The following DNAJC5B variants were observed in gnomAD, a reference collection of about 807,000 sequenced individuals.
DNAJC5B encodes the protein DnaJ heat shock protein family (Hsp40) member C5 beta.
In DNAJC5B, 23 loss-of-function variants were observed where a neutral mutation model predicts 24.7. That is an observed-to-expected ratio of 0.93 (90% CI 0.67 to 1.32). The LOEUF (loss-of-function observed/expected upper bound fraction) is 1.32. Ranked by LOEUF, DNAJC5B falls within the 40% of genes most tolerant of loss-of-function variation. DNAJC5B has a pLI of 0.00. For missense variants in DNAJC5B, 238 were observed against 240.8 expected, an observed-to-expected ratio of 0.99 and a Z score of 0.08; for synonymous variants, 101 against 90.1, an observed-to-expected ratio of 1.12 and a Z score of -0.68.
At chr8:66,088,931 C>G (rs1807787552) in intron 5 of DNAJC5B, among the ~76,000 whole-genome samples, 1 of 152,186 alleles carries the variant, frequency 6.6e-6, no homozygotes, top group African/African-American at 2.4e-5. Context: ...CTGTTCCAAC[C>G]TCTGACTGTT....
intron 4 of DNAJC5B, among the ~76,000 whole-genome samples, chr8:66,078,319 A>G (rs141306723): frequency 1.9e-3 from 285 of 152,280 alleles, no homozygotes; most frequent in African/African-American, 5.5e-3. Context: ...CCAAAGCCCA[A>G]TTTCACGGCA....
Position 66,099,957 on chromosome 8 carries a change from C to A in DNAJC5B, c.526C>A (p.Leu176Ile). ...MEKDVDFPVFLQPTNANEKTQ... is the reference protein window; with the variant it reads ...MEKDVDFPVFIQPTNANEKTQ... ...TTTAGATGTGGACTTTCCAGTTTTT[C>A]TCCAGCCTACAAATGCAAATGAGAA... Residue 176 changes from leucine (L) to isoleucine (I), a missense_variant, in exon 6 of 6, where the codon CTC becomes ATC. Physicochemically the swap from Leu to Ile is conservative, Grantham distance 5. Coordinates refer to ENST00000276570, the MANE Select transcript of DNAJC5B (RefSeq NM_033105.6). 6.2e-7 allele frequency: 1 copy of A among 1,613,878 alleles called. No homozygotes were observed. The highest frequency in any genetic ancestry group is 8.5e-7 in the Non-Finnish European group (1 of 1,179,858).
At chr8:66,069,460 C>T (rs1807298043) in intron 3 of DNAJC5B, among the ~76,000 whole-genome samples, 1 of 151,844 alleles carries the variant, frequency 6.6e-6, no homozygotes, top group South Asian at 2.1e-4. Context: ...AGATAAGGAG[C>T]GATACTTCAT....
At chr8:66,052,909 C>T (rs141804714) in intron 3 of DNAJC5B, among the ~76,000 whole-genome samples, 63 of 151,984 alleles carry the variant, frequency 4.1e-4, no homozygotes, top group Middle Eastern at 3.4e-3. Context: ...CAAGAGAGTG[C>T]TTGTTTGTTT....
At chr8:66,026,133 C>T (rs1238840894) in intron 1 of DNAJC5B, among the ~76,000 whole-genome samples, 2 of 138,266 alleles carry the variant, frequency 1.4e-5, no homozygotes, top group Non-Finnish European at 3.0e-5. Context: ...TGAAGAGGTC[C>T]TTCACATCCC....
chr8:66,057,386 A>C (rs1301082386), intron 3 of DNAJC5B: 1 of 152,224 alleles, frequency 6.6e-6, no homozygotes, highest in Non-Finnish European at 1.5e-5. Context: ...TCCCGATCTG[A>C]ACAACCGATA....
chr8:66,041,514 G>C (rs1455738222), intron 1 of DNAJC5B, among the ~76,000 whole-genome samples: 1 of 152,164 alleles, frequency 6.6e-6, no homozygotes, highest in Non-Finnish European at 1.5e-5. Context: ...CTCACAAATA[G>C]AGAAAACAAG....
In DNAJC5B at chr8:66,031,977, A is replaced by G. The variant is rs186573008; in HGVS notation, c.-142+10272A>G. Among the ~76,000 whole-genome samples the G allele has an allele frequency of 8.5e-4, 130 of 152,344 alleles. 1 individual carries two copies. Among genetic ancestry groups the G allele is most frequent in the Admixed American group, 8.3e-3 (127 of 15,306 alleles). On this transcript the variant is annotated intron_variant, in intron 1 of 5. Coordinates refer to ENST00000276570, the MANE Select transcript of DNAJC5B (RefSeq NM_033105.6). ...CATCAGTTGGCCTAGTAATTACCTC[A>G]TTTAATTGCCACAAAGACCTCCCAT...
rs545422109 is a variant in DNAJC5B at position 66,100,068 on chromosome 8, A to G, written c.*37A>G. 8.8e-6 allele frequency: 14 copies of G among 1,583,574 alleles called. No homozygotes were observed. The East Asian group carries it at 2.7e-4, about 30-fold the overall frequency. ...CAGAGAGTCCACAGTCCCTCCTCTC[A>G]GTTCAGTCTTGTCTCCAGATGGTCG... On this transcript the variant is annotated 3_prime_UTR_variant, in exon 6 of 6. Coordinates refer to ENST00000276570, the MANE Select transcript of DNAJC5B (RefSeq NM_033105.6).
In DNAJC5B at chr8:66,065,757, C is replaced by T. The variant is rs546234871; in HGVS notation, c.120-10903C>T. Among the ~76,000 whole-genome samples the T allele has an allele frequency of 2.4e-4, 37 of 152,172 alleles. No individual in the cohort carries two copies. In the South Asian group the frequency reaches 7.5e-3, roughly 31 times the overall value. ...CTTCGATATGGCTGTGTGAGAGGGG[C>T]CCTCATAGCATAAGACTGCCCAGGG... On this transcript the variant is annotated intron_variant, in intron 3 of 5. Transcript: ENST00000276570.
chr8:66,015,233 CTAGCTG>C, the DNAJC5B span, among the ~76,000 whole-genome samples: 70,695 of 151,380 alleles, frequency 0.47, 21,218 homozygotes, highest in African/African-American at 0.86. Context: ...AGTCTGTCTT[CTAGCTG>C]TAGCTGTAGC....
intron 3 of DNAJC5B, among the ~76,000 whole-genome samples, chr8:66,062,639 G>A (rs558119270): frequency 9.8e-4 from 149 of 152,174 alleles, no homozygotes; most frequent in Non-Finnish European, 1.9e-3. Context: ...CAAAGATCTA[G>A]CTCTTCCTTG....
intron 1 of DNAJC5B, among the ~76,000 whole-genome samples, chr8:66,034,192 G>GTGTGTGTA: frequency 6.6e-6 from 1 of 151,780 alleles, no homozygotes; most frequent in Non-Finnish European, 1.5e-5. Flanking sequence ...GTGTGTGTGT[G>GTGTGTGTA]TGTGTGTGTG....
At chr8:66,038,117 T>C (rs985279836) in intron 1 of DNAJC5B, among the ~76,000 whole-genome samples, 7 of 152,236 alleles carry the variant, frequency 4.6e-5, no homozygotes, top group Non-Finnish European at 1.0e-4. Context: ...AAGGATATAA[T>C]TGGTAGCAGA....
chr8:66,089,282 C>T (rs1017128224), intron 5 of DNAJC5B, among the ~76,000 whole-genome samples: 2 of 152,158 alleles, frequency 1.3e-5, no homozygotes, highest in African/African-American at 2.4e-5. Context: ...TGGGGGAAAC[C>T]GTCTCTATGA....
intron 5 of DNAJC5B, among the ~76,000 whole-genome samples, chr8:66,099,267 C>A (rs1423854914): frequency 1.3e-5 from 2 of 151,874 alleles, no homozygotes. Flanking sequence ...ACTTGGTCTG[C>A]CAACTTGTGT....
In DNAJC5B at chr8:66,076,804, C is replaced by G. The variant is rs778987587; in HGVS notation, c.264C>G (p.Leu88=). ...ACGACAAGTACGGATCGCTGGGACTCTACGTGGCCGAGCAGTTTGGAGACG... is the reference window on the plus strand; with the variant it reads ...ACGACAAGTACGGATCGCTGGGACTGTACGTGGCCGAGCAGTTTGGAGACG... ...SIYDKYGSLG[L]YVAEQFGDEN... Residue 88 remains leucine (L), a synonymous_variant, in exon 4 of 6, where the codon CTC becomes CTG. Transcript: ENST00000276570. 2.5e-6 allele frequency: 4 copies of G among 1,614,062 alleles called. No individual in the cohort carries two copies. Among genetic ancestry groups the G allele is most frequent in the Non-Finnish European group, 2.5e-6 (3 of 1,180,042 alleles).
At chr8:66,032,524 C>T (rs947719963) in intron 1 of DNAJC5B, among the ~76,000 whole-genome samples, 1 of 152,184 alleles carries the variant, frequency 6.6e-6, no homozygotes, top group Non-Finnish European at 1.5e-5. Flanking sequence ...AGTGACAGTG[C>T]CCCCATGAGG....
chr8:66,015,459 T>C, the DNAJC5B span, among the ~76,000 whole-genome samples: 1 of 152,100 alleles, frequency 6.6e-6, no homozygotes, highest in Non-Finnish European at 1.5e-5. Flanking sequence ...AGTAGCTGTG[T>C]TGGGGAGAGC....
Sources: gnomAD v4.1 joint callset for allele counts (sites outside exome capture counted in the v4.1 genomes callset) on GRCh38, gnomAD v4.1.1 for gene constraint, MANE v1.5 for transcripts, NCBI Gene and HGNC (gene_info 2026-07-23, HGNC 2026-07-21) for gene names.